ERC1: variants seen among roughly 807,000 people sequenced by gnomAD.
ERC1 encodes ELKS/RAB6-interacting/CAST family member 1.
ERC1 carries 56 observed loss-of-function variants against 132.0 expected under a neutral mutation model. The ratio of observed to expected loss-of-function variants is 0.42; its 90% CI spans 0.34 to 0.53. ERC1 has a LOEUF of 0.53. ERC1 is among the 20% of genes least tolerant of loss of function. The pLI is 0.03. For missense variants in ERC1, 1,202 were observed against 1,349.9 expected (o/e 0.89, Z 1.72); for synonymous variants, 478 against 476.1 (o/e 1.00, Z -0.05).
At chr12:1,308,448 T>C (rs1350473840) in intron 15 of ERC1, among the ~76,000 whole-genome samples, 3 of 152,196 alleles carry the variant, frequency 2.0e-5, no homozygotes, top group Non-Finnish European at 2.9e-5. Context: ...TCAAACTTGA[T>C]GGTAGACATT....
At chr12:1,072,764 C>G (rs2154182886) in intron 2 of ERC1, among the ~76,000 whole-genome samples, 1 of 152,314 alleles carries the variant, frequency 6.6e-6, no homozygotes, top group Admixed American at 6.5e-5. Flanking sequence ...GCGATCTCGG[C>G]TCACTGCAAG....
intron 3 of ERC1, among the ~76,000 whole-genome samples, chr12:1,096,392 TGTAAA>T (rs1944042756): frequency 6.6e-6 from 1 of 152,252 alleles, no homozygotes; most frequent in Admixed American, 6.5e-5. Flanking sequence ...ATAAAAATGT[TGTAAA>T]GTATAGGTTA....
chr12:1,308,210 G>GTTATTATTATTA (rs60804477), intron 15 of ERC1, among the ~76,000 whole-genome samples: 1 of 150,032 alleles, frequency 6.7e-6, no homozygotes, highest in African/African-American at 2.5e-5. Context: ...TGTTACTATT[G>GTTATTATTATTA]TTATTATTAT....
chr12:1,440,485 T>A (rs112459229), intron 17 of ERC1, among the ~76,000 whole-genome samples: 1 of 147,918 alleles, frequency 6.8e-6, no homozygotes, highest in Non-Finnish European at 1.5e-5. Flanking sequence ...CGATTACAGG[T>A]GTGAGCCACC....
intron 8 of ERC1, among the ~76,000 whole-genome samples, chr12:1,142,887 A>G (rs1412894115): frequency 1.3e-5 from 2 of 152,132 alleles, no homozygotes; most frequent in Non-Finnish European, 2.9e-5. Flanking sequence ...TGTGAGTTCT[A>G]AACATTTCTT....
At chr12:1,271,163 C>A (rs1339459727) in intron 14 of ERC1, among the ~76,000 whole-genome samples, 2 of 152,008 alleles carry the variant, frequency 1.3e-5, no homozygotes, top group South Asian at 4.1e-4. Context: ...TAAAAAGATA[C>A]ATTTTAAAAA....
intron 11 of ERC1, among the ~76,000 whole-genome samples, chr12:1,188,561 C>A (rs1366588832): frequency 6.6e-6 from 1 of 152,198 alleles, no homozygotes; most frequent in Non-Finnish European, 1.5e-5. Flanking sequence ...TTAAAATATA[C>A]TTCATATGTG....
At chr12:1,128,352 A>G (rs371307271) in intron 7 of ERC1, among the ~76,000 whole-genome samples, 54 of 152,308 alleles carry the variant, frequency 3.5e-4, no homozygotes, top group Middle Eastern at 3.4e-3. Context: ...TTTCATGACT[A>G]TTGAGAGCAA....
intron 8 of ERC1, among the ~76,000 whole-genome samples, chr12:1,151,243 A>G (rs779669456): frequency 6.6e-5 from 10 of 152,374 alleles, no homozygotes; most frequent in South Asian, 6.2e-4. Context: ...CCCAAAACCT[A>G]TAAATACTTC....
chr12:1,407,739 G>T (rs768821292), intron 16 of ERC1, among the ~76,000 whole-genome samples: 7 of 152,150 alleles, frequency 4.6e-5, no homozygotes, highest in Non-Finnish European at 8.8e-5. Flanking sequence ...CCTAGTGAAG[G>T]TTCTTCCTGG....
At chr12:1,044,259 G>A (rs901607790) in intron 2 of ERC1, among the ~76,000 whole-genome samples, 3 of 152,206 alleles carry the variant, frequency 2.0e-5, no homozygotes, top group Admixed American at 6.5e-5. Flanking sequence ...GATCTTTAGA[G>A]TCTTTCTTCT....
chr12:1,454,158 G>A (rs757455367), intron 18 of ERC1, among the ~76,000 whole-genome samples: 16 of 152,258 alleles, frequency 1.1e-4, no homozygotes, highest in South Asian at 8.3e-4. Context: ...CACTCTAAAG[G>A]ATAGTGTCCA....
intron 2 of ERC1, among the ~76,000 whole-genome samples, chr12:1,056,908 A>G (rs758309846): frequency 1.1e-4 from 16 of 152,108 alleles, no homozygotes; most frequent in South Asian, 4.1e-4. Flanking sequence ...CGAGGACTCT[A>G]TTGCCCTTAT....
intron 7 of ERC1, among the ~76,000 whole-genome samples, chr12:1,138,373 G>A (rs1021618281): frequency 3.6e-5 from 5 of 139,214 alleles, no homozygotes; most frequent in African/African-American, 1.4e-4. Flanking sequence ...TATGTAAGTT[G>A]TATATAATAT....
intron 7 of ERC1, among the ~76,000 whole-genome samples, chr12:1,140,943 A>C (rs919014809): frequency 1.3e-5 from 2 of 152,164 alleles, no homozygotes; most frequent in African/African-American, 4.8e-5. Context: ...AATATGACTT[A>C]TTATTTTCCT....
rs117157503 is a variant in ERC1, at chr12:1,273,780, T to C, written c.2619+10615T>C. On this transcript the variant is annotated intron_variant, in intron 14 of 18. Coordinates refer to ENST00000360905, the MANE Select transcript of ERC1 (RefSeq NM_178040.4). ...TCGGTCAGTCAGATGGACAGACAGA[T>C]AGATACATGGATATCTATCTATCTA... Among the ~76,000 whole-genome samples the C allele has an allele frequency of 5.2e-4, 79 of 152,334 alleles. No homozygotes were observed. The East Asian group carries it at 0.014, about 27-fold the overall frequency.
intron 18 of ERC1, among the ~76,000 whole-genome samples, chr12:1,458,149 A>C (rs73599915): frequency 0.063 from 9,660 of 152,220 alleles, 1,010 homozygotes; most frequent in African/African-American, 0.22. Context: ...TGTGTTTGTC[A>C]TGCTGAGACC....
At chr12:1,079,903 TATAC>T (rs1415021937) in intron 2 of ERC1, among the ~76,000 whole-genome samples, 1 of 152,218 alleles carries the variant, frequency 6.6e-6, no homozygotes, top group Non-Finnish European at 1.5e-5. Context: ...CAAAAGTTGA[TATAC>T]AAAGATACAT....
chr12:1,467,505 A>C (rs2093767406), intron 18 of ERC1, among the ~76,000 whole-genome samples: 2 of 152,080 alleles, frequency 1.3e-5, no homozygotes, highest in Admixed American at 6.6e-5. Context: ...TATTCTTAGG[A>C]TTCTCCAACT....
Sources: allele counts gnomAD v4.1 joint callset (sites outside exome capture counted in the v4.1 genomes callset), GRCh38; gene constraint gnomAD v4.1.1; transcripts MANE v1.5; gene names NCBI Gene and HGNC (gene_info 2026-07-23, HGNC 2026-07-21).